The following ABLIM1 variants were observed in gnomAD, a reference collection of about 807,000 sequenced individuals.
ABLIM1 encodes the protein actin binding LIM protein 1.
Under a neutral mutation model 107.0 loss-of-function variants are expected in ABLIM1, and 40 were observed. The observed-to-expected ratio is 0.37, with a 90% CI of 0.29 to 0.49. The LOEUF is 0.49. Ranked by LOEUF, ABLIM1 falls within the 20% of genes least tolerant of loss-of-function variation. The pLI, the probability that ABLIM1 is intolerant of heterozygous loss-of-function variation, is 0.97. For missense variants in ABLIM1, 857 were observed against 1,008.5 expected (o/e 0.85, Z 2.04); for synonymous variants, 357 against 357.3 (o/e 1.00, Z 0.01).
intron 1 of ABLIM1, among the ~76,000 whole-genome samples, chr10:114,705,527 G>A (rs930358269): frequency 2.0e-5 from 3 of 152,162 alleles, no homozygotes; most frequent in Admixed American, 6.5e-5. Context: ...TTGACATAAC[G>A]AGTAAGGATG....
chr10:114,536,638 C>T (rs1012464522), intron 6 of ABLIM1, among the ~76,000 whole-genome samples: 7 of 152,028 alleles, frequency 4.6e-5, no homozygotes, highest in Non-Finnish European at 5.9e-5. Context: ...AATAATATTC[C>T]GTTTTCTAGA....
At chr10:114,798,758 C>G in the ABLIM1 span, among the ~76,000 whole-genome samples, 1 of 151,940 alleles carries the variant, frequency 6.6e-6, no homozygotes, top group Non-Finnish European at 1.5e-5. Context: ...AACAAACAAA[C>G]CAAAAGATAG....
the ABLIM1 span, among the ~76,000 whole-genome samples, chr10:114,801,320 G>C: frequency 2.6e-5 from 4 of 152,184 alleles, no homozygotes; most frequent in East Asian, 7.7e-4. Flanking sequence ...TTAAATGGAA[G>C]TGGATCATCA....
rs529989858 is a variant in ABLIM1, at chr10:114,716,194, C to T, written c.-213+51867G>A. Among the ~76,000 whole-genome samples, 104 of 152,248 alleles carry T rather than the reference C, an allele frequency of 6.8e-4. 1 individual carries two copies. Among genetic ancestry groups the T allele is most frequent in the Non-Finnish European group, 4.7e-4 (32 of 68,014 alleles). On this transcript the variant is annotated intron_variant, in intron 1 of 15. Coordinates refer to the ABLIM1 transcript ENST00000651092. ...AGACAATGATCTGGAGTCCTCCAGG[C>T]CAGGGAAGTAACTATCCAATAAGAA...
At chr10:114,668,893 G>A (rs557819582) in intron 1 of ABLIM1, among the ~76,000 whole-genome samples, 6 of 152,312 alleles carry the variant, frequency 3.9e-5, no homozygotes, top group South Asian at 2.1e-4. Context: ...GATAGCTTTC[G>A]TAGTATCCAT....
chr10:114,441,523 A>G (rs369461385), intron 18 of ABLIM1, among the ~76,000 whole-genome samples, 199 bp downstream of exon 18: 1 of 152,310 alleles, frequency 6.6e-6, no homozygotes, highest in East Asian at 1.9e-4. Context: ...TCTAAAGTTA[A>G]TTTCTTCTTC....
intron 12 of ABLIM1, among the ~76,000 whole-genome samples, chr10:114,457,127 A>G (rs185041100): frequency 1.3e-3 from 202 of 152,324 alleles, no homozygotes; most frequent in African/African-American, 4.3e-3. Flanking sequence ...CTTGGAATAC[A>G]TAATGTTGCT....
chr10:114,542,627 AAGG>A (rs1435226104), intron 6 of ABLIM1, among the ~76,000 whole-genome samples: 2 of 131,594 alleles, frequency 1.5e-5, no homozygotes, highest in Non-Finnish European at 3.2e-5. Context: ...GAGAAAGAAG[AAGG>A]AGGAGGAGAA....
At chr10:114,691,215 C>G (rs904786084) in intron 1 of ABLIM1, among the ~76,000 whole-genome samples, 1 of 152,078 alleles carries the variant, frequency 6.6e-6, no homozygotes, top group African/African-American at 2.4e-5. Context: ...TATTATGAGA[C>G]GTGATCAATG....
At chr10:114,542,635 G>A (rs1448840127) in intron 6 of ABLIM1, among the ~76,000 whole-genome samples, 1 of 102,938 alleles carries the variant, frequency 9.7e-6, no homozygotes, top group Non-Finnish European at 1.9e-5. Flanking sequence ...AGAAGGAGGA[G>A]GAGAAGGAAA....
chr10:114,503,396 A>G (rs1428161816), intron 6 of ABLIM1, among the ~76,000 whole-genome samples: 1 of 152,094 alleles, frequency 6.6e-6, no homozygotes, highest in Non-Finnish European at 1.5e-5. Flanking sequence ...GGCTGCAGTG[A>G]GCCGTGATCA....
Position 114,627,073 on chromosome 10 carries a change from G to A in ABLIM1, c.245-25112C>T, listed in dbSNP as rs138914317. ...ACAATACATTTCTGTGGTTTAAGCCGCTCAGTCTGTGGTACTTTGTTGCAG... is the reference window on the plus strand; with the variant it reads ...ACAATACATTTCTGTGGTTTAAGCCACTCAGTCTGTGGTACTTTGTTGCAG... On this transcript the variant is annotated intron_variant, in intron 1 of 22. Transcript: ENST00000533213. Among the ~76,000 whole-genome samples, 12 of 152,204 alleles carry A rather than the reference G, an allele frequency of 7.9e-5. No homozygotes were observed. In the East Asian group the frequency reaches 1.4e-3, roughly 17 times the overall value.
intron 10 of ABLIM1, among the ~76,000 whole-genome samples, chr10:114,472,715 C>G (rs2133973531): frequency 6.6e-6 from 1 of 152,018 alleles, no homozygotes; most frequent in African/African-American, 2.4e-5. Flanking sequence ...AATCCCCACC[C>G]CCTCCCCACC....
intron 2 of ABLIM1, among the ~76,000 whole-genome samples, chr10:114,583,217 A>G (rs970094705): frequency 6.6e-6 from 1 of 151,730 alleles, no homozygotes; most frequent in African/African-American, 2.4e-5. Context: ...TTCTTAAAAG[A>G]AGATATGCAA....
chr10:114,642,552 G>C (rs2078798734), intron 1 of ABLIM1, among the ~76,000 whole-genome samples: 1 of 152,164 alleles, frequency 6.6e-6, no homozygotes, highest in Admixed American at 6.5e-5. Context: ...GAAAACAATA[G>C]ATGTGCAAGA....
Position 114,577,438 on chromosome 10 carries a change from CAG to C in ABLIM1, c.380-1841_380-1840del, listed in dbSNP as rs972513005. Among the ~76,000 whole-genome samples, 24 of 152,228 alleles carry C rather than the reference CAG, an allele frequency of 1.6e-4. 1 individual carries two copies. The highest frequency in any genetic ancestry group is 5.3e-4 in the African/African-American group (22 of 41,560). ...TCCAGTCAGCTATGGCTTAAAAATG[CAG>C]AGTCGTTATACAAAGATGTGGTGTC... On this transcript the variant is annotated intron_variant, in intron 2 of 22. Coordinates refer to ENST00000533213, the MANE Select transcript of ABLIM1 (RefSeq NM_002313.7).
At chr10:114,515,430 CCCTGAGCTGCAG>C (rs2062660091) in intron 6 of ABLIM1, among the ~76,000 whole-genome samples, 1 of 152,186 alleles carries the variant, frequency 6.6e-6, no homozygotes, top group Non-Finnish European at 1.5e-5. Flanking sequence ...GGTTGAGAAT[CCCTGAGCTGCAG>C]CCTTATGCTT....
At chr10:114,753,428 A>G (rs1778526372) in intron 1 of ABLIM1, among the ~76,000 whole-genome samples, 1 of 152,234 alleles carries the variant, frequency 6.6e-6, no homozygotes. Context: ...TCAGTGCAGC[A>G]TTGTCTATAA....
intron 1 of ABLIM1, among the ~76,000 whole-genome samples, chr10:114,715,239 T>C (rs1177983155): frequency 6.6e-6 from 1 of 152,178 alleles, no homozygotes; most frequent in East Asian, 1.9e-4. Context: ...GAGCCAAGAA[T>C]GAAAATTCCA....
Sources: allele counts gnomAD v4.1 joint callset (sites outside exome capture counted in the v4.1 genomes callset), GRCh38; gene constraint gnomAD v4.1.1; transcripts MANE v1.5; gene names NCBI Gene and HGNC (gene_info 2026-07-23, HGNC 2026-07-21).